COL15A1: variants seen among roughly 807,000 people sequenced by gnomAD.
COL15A1 encodes collagen alpha-1(XV) chain.
COL15A1 carries 111 observed loss-of-function variants against 165.9 expected under a neutral mutation model. The observed-to-expected ratio is 0.67, with a 90% CI of 0.57 to 0.78. COL15A1 has a LOEUF of 0.78. Ranked by LOEUF, COL15A1 falls within the 30% of genes least tolerant of loss-of-function variation. The pLI, the probability that COL15A1 is intolerant of heterozygous loss-of-function variation, is 0.00. For synonymous variants in COL15A1, 659 were observed against 674.8 expected (o/e 0.98, Z 0.36); for missense variants, 1,745 against 1,789.7 (o/e 0.98, Z 0.45).
At chr9:99,010,692 G>T (rs1838835261) in intron 9 of COL15A1, among the ~76,000 whole-genome samples, 1 of 152,226 alleles carries the variant, frequency 6.6e-6, no homozygotes, top group South Asian at 2.1e-4. Flanking sequence ...ATAGCCTCCA[G>T]TGGAATGCTG....
At chr9:99,017,633 G>A (rs1329433382) in intron 11 of COL15A1, among the ~76,000 whole-genome samples, 1 of 152,114 alleles carries the variant, frequency 6.6e-6, no homozygotes, top group Non-Finnish European at 1.5e-5. Context: ...TGGGGCTTTG[G>A]GCTTGCAGGG....
chr9:98,964,921 G>A (rs1279981124), intron 2 of COL15A1, among the ~76,000 whole-genome samples: 1 of 152,204 alleles, frequency 6.6e-6, no homozygotes, highest in Non-Finnish European at 1.5e-5. Flanking sequence ...CTGAAGCTAT[G>A]AGCTCGTTCT....
In COL15A1 at chr9:99,015,506, C is replaced by A; in HGVS notation, c.1443C>A (p.Val481=). The A allele has an allele frequency of 6.2e-7, 1 of 1,613,388 alleles. No individual in the cohort carries two copies. The highest frequency in any genetic ancestry group is 1.3e-5 in the African/African-American group (1 of 75,036). ...TTGAGGATGAGGAAGCCAGTGGGGT[C>A]CCCACAGATGGCCTGGCTCCCCTCA... The part of the protein sequence containing the change: ...STFEDEEASG[V]PTDGLAPLTA... The change falls in exon 10 of 42, where the codon GTC becomes GTA. Residue 481 remains valine, a synonymous_variant. Coordinates refer to ENST00000375001, the MANE Select transcript of COL15A1 (RefSeq NM_001855.5).
intron 11 of COL15A1, among the ~76,000 whole-genome samples, chr9:99,018,124 T>G (rs1469229125): frequency 6.6e-6 from 1 of 152,222 alleles, no homozygotes; most frequent in Non-Finnish European, 1.5e-5. Flanking sequence ...TCACGATGCA[T>G]CTAACAAAAT....
rs1186526791 is a variant in COL15A1, at chr9:99,062,073, G to A, written c.3505G>A (p.Val1169Ile). ...LRDSTEFFIR[V>I]RDGWKKLQLG... The stretch of plus-strand genomic sequence containing the variant: ...GGACAGCACTGAGTTTTTCATTCGT[G>A]TTAGAGATGGCTGGAAAAAATTACA... The change falls in exon 37 of 42, where the codon GTT becomes ATT. Residue 1169 changes from valine (V) to isoleucine (I), a missense_variant. By Grantham distance (29) the Val-to-Ile change is conservative. Coordinates refer to ENST00000375001, the MANE Select transcript of COL15A1 (RefSeq NM_001855.5). The A allele has an allele frequency of 6.2e-7, 1 of 1,614,072 alleles. No homozygotes were observed. The highest frequency in any genetic ancestry group is 1.3e-5 in the African/African-American group (1 of 75,044).
chr9:99,067,870 A>G (rs1318096893), intron 40 of COL15A1, among the ~76,000 whole-genome samples: 2 of 152,214 alleles, frequency 1.3e-5, no homozygotes, highest in African/African-American at 2.4e-5. Flanking sequence ...GTTCATCTCC[A>G]TCTCACCCAC....
Position 99,050,356 on chromosome 9 carries a change from A to G in COL15A1, c.2904+461A>G, listed in dbSNP as rs533055357. Reference sequence around the variant, plus strand: ...AGGCAGGGCTGATCTCTCCCATTTTATGATAATGAAACAAACTGTGACTCA... The same window carrying G: ...AGGCAGGGCTGATCTCTCCCATTTTGTGATAATGAAACAAACTGTGACTCA... On this transcript the variant is annotated intron_variant, in intron 30 of 41. Coordinates refer to ENST00000375001, the MANE Select transcript of COL15A1 (RefSeq NM_001855.5). Among the ~76,000 whole-genome samples the G allele has an allele frequency of 2.0e-5, 3 of 151,210 alleles. No homozygotes were observed. The East Asian group carries it at 5.9e-4, about 30-fold the overall frequency.
chr9:99,066,599 G>GTTTTTTTCTTTTTTTTTTTTTT (rs1825895422), intron 39 of COL15A1, among the ~76,000 whole-genome samples: 1 of 71,082 alleles, frequency 1.4e-5, no homozygotes, highest in African/African-American at 5.2e-5. Context: ...ATTTTGTTCT[G>GTTTTTTTCTTTTTTTTTTTTTT]TTTTTTTTTT....
At chr9:98,961,490 G>A (rs1837864577) in intron 2 of COL15A1, among the ~76,000 whole-genome samples, 2 of 152,188 alleles carry the variant, frequency 1.3e-5, no homozygotes, top group South Asian at 4.1e-4. Context: ...ATGATGGGCT[G>A]GAAGAGGAGT....
intron 11 of COL15A1, among the ~76,000 whole-genome samples, chr9:99,016,645 AC>A (rs1838939546): frequency 6.6e-6 from 1 of 152,248 alleles, no homozygotes; most frequent in South Asian, 2.1e-4. Context: ...AAAGCTCTGT[AC>A]CCACACCTAG....
At chr9:99,040,744 C>G in intron 23 of COL15A1, 188 bp downstream of exon 23, 1 of 1,019,038 alleles carries the variant, frequency 9.8e-7, no homozygotes, top group Non-Finnish European at 1.4e-6. Flanking sequence ...GTCTGGAACT[C>G]CTGAGCTCAA....
At chr9:99,054,784 T>C (rs769152771) in intron 32 of COL15A1, 128 bp downstream of exon 32, 5 of 1,085,472 alleles carry the variant, frequency 4.6e-6, no homozygotes, top group Non-Finnish European at 6.5e-6. Flanking sequence ...GCTCCACTGG[T>C]TTCTAGTGAA....
chr9:98,996,615 C>T (rs1564039042), intron 5 of COL15A1, among the ~76,000 whole-genome samples: 1 of 152,242 alleles, frequency 6.6e-6, no homozygotes, highest in Non-Finnish European at 1.5e-5. Flanking sequence ...CCTCCTCTAA[C>T]AGATCTTTAC....
In COL15A1 at chr9:99,015,539, C is replaced by T. The variant is rs1838916206; in HGVS notation, c.1476C>T (p.Thr492=). ...ATGGCCTGGCTCCCCTCACAGCCAC[C>T]ATGGCCCCTGAGCGGGCAGTCACTT... The part of the protein sequence containing the change: ...PTDGLAPLTA[T]MAPERAVTSG... The change falls in exon 10 of 42, where the codon ACC becomes ACT. Residue 492 remains threonine, a synonymous_variant. Transcript: ENST00000375001. The T allele has an allele frequency of 6.2e-7, 1 of 1,613,818 alleles. No individual in the cohort carries two copies. Among genetic ancestry groups the T allele is most frequent in the Admixed American group, 1.7e-5 (1 of 60,004 alleles).
intron 2 of COL15A1, among the ~76,000 whole-genome samples, chr9:98,948,493 G>T (rs898457082): frequency 4.6e-5 from 7 of 151,590 alleles, no homozygotes; most frequent in Admixed American, 6.6e-5. Flanking sequence ...AGCTACTTGG[G>T]AGGCTGAGGC....
At chr9:99,069,648 A>G (rs1564101100) in intron 41 of COL15A1, 25 bp from the exon 42 acceptor site, 1 of 1,584,766 alleles carries the variant, frequency 6.3e-7, no homozygotes, top group South Asian at 1.1e-5. Context: ...ATTTTGAAAA[A>G]TAACATGACA....
chr9:98,951,922 A>C (rs762966394), intron 2 of COL15A1, among the ~76,000 whole-genome samples: 1 of 152,170 alleles, frequency 6.6e-6, no homozygotes, highest in Admixed American at 6.5e-5. Flanking sequence ...CATCCTTCTA[A>C]GATTCTACTC....
intron 26 of COL15A1, 75 bp from the exon 27 acceptor site, chr9:99,047,711 G>T: frequency 2.0e-6 from 3 of 1,486,292 alleles, no homozygotes; most frequent in Admixed American, 3.3e-5. Flanking sequence ...GCCTGCAAAA[G>T]CGGGCTTGCA....
chr9:99,059,051 C>T (rs1389041075), intron 35 of COL15A1, among the ~76,000 whole-genome samples: 1 of 152,138 alleles, frequency 6.6e-6, no homozygotes, highest in East Asian at 1.9e-4. Context: ...TTTATGTTTG[C>T]CTAAAGTAAG....
Sources: allele counts gnomAD v4.1 joint callset (sites outside exome capture counted in the v4.1 genomes callset), GRCh38; gene constraint gnomAD v4.1.1; transcripts MANE v1.5; gene names NCBI Gene and HGNC (gene_info 2026-07-23, HGNC 2026-07-21).